PLCB4: variants seen among roughly 807,000 people sequenced by gnomAD.
PLCB4 encodes 1-phosphatidylinositol 4,5-bisphosphate phosphodiesterase beta-4.
PLCB4 carries 77 observed loss-of-function variants against 178.8 expected under a neutral mutation model. That is an observed-to-expected ratio of 0.43 (90% CI 0.36 to 0.52). The LOEUF (loss-of-function observed/expected upper bound fraction) is 0.52, where lower values mean the gene tolerates loss of function less well. Ranked by LOEUF, PLCB4 falls within the 20% of genes least tolerant of loss-of-function variation. The pLI, the probability that PLCB4 is intolerant of heterozygous loss-of-function variation, is 0.00. For synonymous variants in PLCB4, 496 were observed against 490.8 expected, an observed-to-expected ratio of 1.01 and a Z score of -0.14; for missense variants, 1,024 against 1,453.4, an observed-to-expected ratio of 0.70 and a Z score of 4.80.
At chr20:9,267,880 A>G (rs2094364908) in intron 3 of PLCB4, among the ~76,000 whole-genome samples, 1 of 152,130 alleles carries the variant, frequency 6.6e-6, no homozygotes, top group African/African-American at 2.4e-5. Flanking sequence ...TCAGAAAAAG[A>G]GTAGGAGACA....
At chr20:9,207,721 G>A (rs2147223402) in intron 2 of PLCB4, among the ~76,000 whole-genome samples, 1 of 152,290 alleles carries the variant, frequency 6.6e-6, no homozygotes, top group East Asian at 1.9e-4. Context: ...ATCCAATCAT[G>A]TTTCTTACTT....
intron 19 of PLCB4, among the ~76,000 whole-genome samples, chr20:9,400,767 C>A: frequency 6.6e-6 from 1 of 152,248 alleles, no homozygotes; most frequent in Non-Finnish European, 1.5e-5. Context: ...TTTTTCCCCA[C>A]GAACATCCTG....
chr20:9,423,094 G>A (rs1200714198), intron 27 of PLCB4, among the ~76,000 whole-genome samples: 1 of 152,140 alleles, frequency 6.6e-6, no homozygotes, highest in Non-Finnish European at 1.5e-5. Context: ...ATTCCGTTTG[G>A]GGATAGCAGG....
chr20:9,155,332 TC>T (rs1490249454), intron 2 of PLCB4, among the ~76,000 whole-genome samples: 1 of 152,190 alleles, frequency 6.6e-6, no homozygotes, highest in Non-Finnish European at 1.5e-5. Context: ...TACCACATTT[TC>T]TTTATCCATT....
At chr20:9,224,103 A>G (rs976510064) in intron 3 of PLCB4, among the ~76,000 whole-genome samples, 6 of 152,246 alleles carry the variant, frequency 3.9e-5, no homozygotes, top group African/African-American at 1.4e-4. Flanking sequence ...GAAGAGACTT[A>G]TGAGTTCAAC....
At chr20:9,136,122 G>GCA (rs149724181) in intron 2 of PLCB4, among the ~76,000 whole-genome samples, 36 of 151,504 alleles carry the variant, frequency 2.4e-4, no homozygotes, top group Non-Finnish European at 4.6e-4. Flanking sequence ...ACACATAAAT[G>GCA]CACACACACA....
At chr20:9,177,722 A>G (rs1281638130) in intron 2 of PLCB4, among the ~76,000 whole-genome samples, 1 of 152,240 alleles carries the variant, frequency 6.6e-6, no homozygotes, top group Non-Finnish European at 1.5e-5. Context: ...GACTTTAGGC[A>G]TACACTTGGG....
intron 30 of PLCB4, among the ~76,000 whole-genome samples, chr20:9,443,457 G>T (rs1360921988): frequency 6.6e-6 from 1 of 152,166 alleles, no homozygotes; most frequent in Non-Finnish European, 1.5e-5. Context: ...CATTTCAGCT[G>T]CCCTTCTCCA....
intron 2 of PLCB4, among the ~76,000 whole-genome samples, chr20:9,120,962 T>C (rs2091947073): frequency 6.6e-6 from 1 of 152,134 alleles, no homozygotes; most frequent in African/African-American, 2.4e-5. Flanking sequence ...ATCACAGCTC[T>C]CAGCCCCAGT....
intron 3 of PLCB4, among the ~76,000 whole-genome samples, chr20:9,249,975 A>G (rs1253056040): frequency 6.6e-6 from 1 of 152,216 alleles, no homozygotes; most frequent in Non-Finnish European, 1.5e-5. Flanking sequence ...GGTCAGCTAT[A>G]GAAAGAGAGA....
intron 2 of PLCB4, among the ~76,000 whole-genome samples, chr20:9,202,983 T>A (rs2093566003): frequency 6.9e-6 from 1 of 144,772 alleles, no homozygotes; most frequent in African/African-American, 2.6e-5. Flanking sequence ...TGTGCCCCAG[T>A]GGGCCAGCAT....
intron 32 of PLCB4, 106 bp downstream of exon 32, chr20:9,444,349 A>C: frequency 7.6e-5 from 51 of 669,390 alleles, no homozygotes; most frequent in Non-Finnish European, 1.2e-4. Flanking sequence ...GTAATAACTC[A>C]TTCTAACTGG....
intron 7 of PLCB4, among the ~76,000 whole-genome samples, chr20:9,339,466 A>G (rs951201376): frequency 3.9e-5 from 6 of 152,228 alleles, no homozygotes; most frequent in African/African-American, 1.4e-4. Flanking sequence ...TAGAAATGCA[A>G]TGTGAGCCAC....
At chr20:9,163,539 G>GT (rs145119768) in intron 2 of PLCB4, among the ~76,000 whole-genome samples, 44 of 147,216 alleles carry the variant, frequency 3.0e-4, no homozygotes, top group South Asian at 4.3e-4. Context: ...TATCCTCCAT[G>GT]TTTTTTTTTT....
chr20:9,451,494 A>T (rs1436677564), intron 32 of PLCB4, among the ~76,000 whole-genome samples: 1 of 152,320 alleles, frequency 6.6e-6, no homozygotes, highest in East Asian at 1.9e-4. Flanking sequence ...TGGGTTAGCC[A>T]ACCATAATGA....
At chr20:9,140,696 C>A (rs2092471424) in intron 2 of PLCB4, among the ~76,000 whole-genome samples, 2 of 151,924 alleles carry the variant, frequency 1.3e-5, no homozygotes, top group African/African-American at 4.8e-5. Flanking sequence ...TCCCTCTCTT[C>A]CCATGTGATA....
At chr20:9,337,088 G>T (rs2032570366) in intron 4 of PLCB4, 38 bp from the exon 5 acceptor site, 3 of 1,296,692 alleles carry the variant, frequency 2.3e-6, no homozygotes, top group Non-Finnish European at 3.4e-6. Context: ...ATTCAAAATG[G>T]TGTGAGTCAT....
At chr20:9,284,042 C>G (rs1410934418) in intron 3 of PLCB4, among the ~76,000 whole-genome samples, 1 of 151,862 alleles carries the variant, frequency 6.6e-6, no homozygotes, top group Non-Finnish European at 1.5e-5. Flanking sequence ...AGAGACACAG[C>G]AGAAAACAAA....
At position 9,180,908 on chromosome 20, in the gene PLCB4, A is replaced by G. The variant is rs150031046; in HGVS notation, c.-78-36482A>G. The stretch of plus-strand genomic sequence containing the variant: ...AGCATTTGAGCACAAAAATAAACAA[A>G]TGTCCTTGAATTTATTATCCCATAT... On this transcript the variant is annotated intron_variant, in intron 2 of 39. Coordinates refer to ENST00000378473, the MANE Select transcript of PLCB4 (RefSeq NM_001377142.1). Among the ~76,000 whole-genome samples the G allele has an allele frequency of 5.4e-4, 82 of 152,320 alleles. 1 individual carries two copies. In the East Asian group the frequency reaches 0.014, roughly 26 times the overall value.
Sources: allele counts gnomAD v4.1 joint callset (sites outside exome capture counted in the v4.1 genomes callset), GRCh38; gene constraint gnomAD v4.1.1; transcripts MANE v1.5; gene names NCBI Gene and HGNC (gene_info 2026-07-23, HGNC 2026-07-21).